CACNB2: variants seen among roughly 807,000 people sequenced by gnomAD.
CACNB2 encodes the protein calcium voltage-gated channel auxiliary subunit beta 2.
Under a neutral mutation model 73.3 loss-of-function variants are expected in CACNB2, and 42 were observed. The ratio of observed to expected loss-of-function variants is 0.57; its 90% CI spans 0.45 to 0.74. The LOEUF (loss-of-function observed/expected upper bound fraction) is 0.74, where lower values mean the gene tolerates loss of function less well. Among genes scored for constraint, CACNB2 ranks in the 30% least tolerant of loss-of-function variants. The pLI is 0.00. For missense variants in CACNB2, 940 were observed against 853.0 expected, an observed-to-expected ratio of 1.10 and a Z score of -1.27; for synonymous variants, 348 against 310.3, an observed-to-expected ratio of 1.12 and a Z score of -1.28.
rs149378494 is a variant in CACNB2, at chr10:18,305,806, G to A, written c.214-96118G>A. 3.0e-3 allele frequency among the ~76,000 whole-genome samples: 451 copies of A among 152,218 alleles called. 4 individuals are homozygous for A. Among genetic ancestry groups the A allele is most frequent in the African/African-American group, 0.01 (426 of 41,520 alleles). ...ACCCCAGGTATAGGGGGAGAAGAAG[G>A]GTAACTGAGGAATTCTCACGTGTTA... On this transcript the variant is annotated intron_variant, in intron 2 of 13. Coordinates refer to ENST00000324631, the MANE Select transcript of CACNB2 (RefSeq NM_201596.3).
At chr10:18,167,277 C>T (rs1467117492) in intron 2 of CACNB2, among the ~76,000 whole-genome samples, 15 of 151,826 alleles carry the variant, frequency 9.9e-5, no homozygotes, top group Admixed American at 9.8e-4. Flanking sequence ...AAGATGGAAA[C>T]AGTAGACACT....
intron 2 of CACNB2, among the ~76,000 whole-genome samples, chr10:18,392,117 A>C (rs1206981099): frequency 6.6e-6 from 1 of 152,044 alleles, no homozygotes; most frequent in Non-Finnish European, 1.5e-5. Flanking sequence ...GTAGAAATCT[A>C]GGGGAGGAGA....
intron 2 of CACNB2, among the ~76,000 whole-genome samples, chr10:18,317,361 G>T (rs1270246437): frequency 1.3e-5 from 2 of 151,968 alleles, no homozygotes; most frequent in East Asian, 1.9e-4. Flanking sequence ...AGTGAACAAA[G>T]AACCCAATAG....
In CACNB2 at chr10:18,389,606, A is replaced by G. The variant is rs142872626; in HGVS notation, c.214-12318A>G. On this transcript the variant is annotated intron_variant, in intron 2 of 13. Transcript: ENST00000324631. The stretch of plus-strand genomic sequence containing the variant: ...AAGGTTATCTAATAGTCTACTAAGC[A>G]TGTGAACCATAATTTTAAAATTTTC... Among the ~76,000 whole-genome samples, 437 of 152,368 alleles carry G rather than the reference A, an allele frequency of 2.9e-3. 1 individual carries two copies. Among genetic ancestry groups the G allele is most frequent in the Non-Finnish European group, 4.9e-3 (333 of 68,038 alleles).
At chr10:18,450,884 G>A (rs749041425) in intron 3 of CACNB2, among the ~76,000 whole-genome samples, 26 of 152,056 alleles carry the variant, frequency 1.7e-4, no homozygotes, top group Non-Finnish European at 3.8e-4. Context: ...TGATCCACCC[G>A]CCTTGGCCTC....
At chr10:18,475,792 C>T (rs112147825) in intron 3 of CACNB2, among the ~76,000 whole-genome samples, 1,854 of 152,264 alleles carry the variant, frequency 0.012, 14 homozygotes, top group Non-Finnish European at 0.017. Context: ...ACTCACTTCA[C>T]AGTTACAAAA....
chr10:18,267,217 C>T (rs2037850621), intron 2 of CACNB2, among the ~76,000 whole-genome samples: 1 of 151,916 alleles, frequency 6.6e-6, no homozygotes. Context: ...TTAATAATAG[C>T]TTTTAATATT....
At chr10:18,368,099 C>T (rs2042430360) in intron 2 of CACNB2, among the ~76,000 whole-genome samples, 1 of 152,106 alleles carries the variant, frequency 6.6e-6, no homozygotes, top group Admixed American at 6.5e-5. Flanking sequence ...TGAGCTCTCT[C>T]CTGTAAACAC....
chr10:18,428,683 CAAAAAAAAAAA>C (rs10525913), intron 3 of CACNB2, among the ~76,000 whole-genome samples: 128,623 of 143,342 alleles, frequency 0.9, 57,297 homozygotes, highest in African/African-American at 0.97. Context: ...GAGACACTGT[CAAAAAAAAAAA>C]AAAAAAAAAA....
At chr10:18,241,931 G>C (rs2036666765) in intron 2 of CACNB2, among the ~76,000 whole-genome samples, 1 of 151,924 alleles carries the variant, frequency 6.6e-6, no homozygotes, top group African/African-American at 2.4e-5. Context: ...TTATATTCAA[G>C]TCACAATAAA....
rs200887798 is a variant in CACNB2, at chr10:18,510,089, CAT to C, written c.670+3543_670+3544del. ...CTTTAATATGTTTTGAAAGTGACCACATGTTTCAGAATTCTACGTATTTCAAA... is the reference window on the plus strand; with the variant it reads ...CTTTAATATGTTTTGAAAGTGACCACGTTTCAGAATTCTACGTATTTCAAA... On this transcript the variant is annotated intron_variant, in intron 6 of 13. Coordinates refer to ENST00000324631, the MANE Select transcript of CACNB2 (RefSeq NM_201596.3). Among the ~76,000 whole-genome samples the C allele has an allele frequency of 2.4e-3, 365 of 152,276 alleles. 3 individuals are homozygous for C. The highest frequency in any genetic ancestry group is 6.6e-3 in the African/African-American group (273 of 41,540).
chr10:18,313,316 G>A (rs1022174088), intron 2 of CACNB2, among the ~76,000 whole-genome samples: 4 of 147,944 alleles, frequency 2.7e-5, no homozygotes, highest in Non-Finnish European at 6.0e-5. Context: ...TCTCGTTGCC[G>A]TGGAGCCGTC....
intron 7 of CACNB2, chr10:18,514,977 T>C (rs1322254288): frequency 1.2e-6 from 2 of 1,611,028 alleles, no homozygotes; most frequent in Non-Finnish European, 1.7e-6. Flanking sequence ...TCTAATCCAC[T>C]AGGTGCAAAA....
chr10:18,152,376 A>T (rs1315138519), intron 2 of CACNB2, among the ~76,000 whole-genome samples: 1 of 152,114 alleles, frequency 6.6e-6, no homozygotes, highest in Non-Finnish European at 1.5e-5. Context: ...TTTTGGTTAG[A>T]AACATTTAGA....
intron 2 of CACNB2, among the ~76,000 whole-genome samples, chr10:18,342,127 C>T (rs1030722436): frequency 6.6e-6 from 1 of 152,140 alleles, no homozygotes; most frequent in Non-Finnish European, 1.5e-5. Flanking sequence ...TTCCTGTAAA[C>T]TTGCTTGCTT....
intron 2 of CACNB2, among the ~76,000 whole-genome samples, chr10:18,189,489 T>TTATTTTCC (rs2034301056): frequency 6.6e-6 from 1 of 152,256 alleles, no homozygotes; most frequent in Middle Eastern, 3.4e-3. Flanking sequence ...GTTCAGTAGC[T>TTATTTTCC]TATTTTCCTG....
At chr10:18,260,904 T>A in intron 2 of CACNB2, 1 of 1,128,766 alleles carries the variant, frequency 8.9e-7, no homozygotes, top group Non-Finnish European at 1.1e-6. Context: ...GAATGGCTAC[T>A]GTAAAAGCGT....
intron 2 of CACNB2, among the ~76,000 whole-genome samples, chr10:18,320,714 G>T (rs781011228): frequency 6.6e-6 from 1 of 152,146 alleles, no homozygotes; most frequent in African/African-American, 2.4e-5. Flanking sequence ...ATAAATGCAT[G>T]GAAAGAACTA....
At position 18,457,549 on chromosome 10, in the gene CACNB2, C is replaced by G. The variant is rs1376838123; in HGVS notation, c.334-40806C>G. On this transcript the variant is annotated intron_variant, in intron 3 of 13. Coordinates refer to ENST00000324631, the MANE Select transcript of CACNB2 (RefSeq NM_201596.3). The stretch of plus-strand genomic sequence containing the variant: ...CTTAGTTTAAATATGTCCCAGCTCT[C>G]CTTAGCACAGCAGCAGTCTTTTACA... Among the ~76,000 whole-genome samples the G allele has an allele frequency of 5.9e-5, 9 of 152,120 alleles. No individual in the cohort carries two copies. In the South Asian group the frequency reaches 1.9e-3, roughly 32 times the overall value.
Sources: gnomAD v4.1 joint callset for allele counts (sites outside exome capture counted in the v4.1 genomes callset) on GRCh38, gnomAD v4.1.1 for gene constraint, MANE v1.5 for transcripts, NCBI Gene and HGNC (gene_info 2026-07-23, HGNC 2026-07-21) for gene names.